DIP2B: variants seen among roughly 807,000 people sequenced by gnomAD.
DIP2B encodes disco-interacting protein 2 homolog B.
DIP2B carries 76 observed loss-of-function variants against 198.0 expected under a neutral mutation model. The ratio of observed to expected loss-of-function variants is 0.38; its 90% CI spans 0.32 to 0.46. DIP2B has a LOEUF of 0.46. Among genes scored for constraint, DIP2B ranks in the 20% least tolerant of loss-of-function variants. The pLI is 0.99. For synonymous variants in DIP2B, 701 were observed against 739.1 expected (o/e 0.95, Z 0.84); for missense variants, 1,559 against 1,978.4 (o/e 0.79, Z 4.02).
intron 30 of DIP2B, among the ~76,000 whole-genome samples, chr12:50,730,667 G>A (rs1230879004): frequency 1.3e-5 from 2 of 152,248 alleles, no homozygotes; most frequent in African/African-American, 2.4e-5. Flanking sequence ...GATTACAGGC[G>A]TGAGCCACCG....
intron 1 of DIP2B, among the ~76,000 whole-genome samples, chr12:50,508,507 A>G (rs1450127002): frequency 1.3e-5 from 2 of 152,154 alleles, no homozygotes; most frequent in African/African-American, 2.4e-5. Context: ...TAGAATAGGT[A>G]TTGTTACCAC....
intron 1 of DIP2B, among the ~76,000 whole-genome samples, chr12:50,613,333 G>A (rs1301225341): frequency 1.3e-5 from 2 of 152,152 alleles, no homozygotes; most frequent in Non-Finnish European, 2.9e-5. Flanking sequence ...AACGAAATAG[G>A]CAGTGAATGA....
In DIP2B at chr12:50,707,607, G is replaced by T. The variant is rs185951838; in HGVS notation, c.2535-841G>T. On this transcript the variant is annotated intron_variant, in intron 21 of 37. Transcript: ENST00000301180. The stretch of plus-strand genomic sequence containing the variant: ...TGTGGCAGTGAACAAAACAGGCCAA[G>T]TCTCTGCCCTTGTGAAGCTCACATG... Among the ~76,000 whole-genome samples the T allele has an allele frequency of 4.6e-5, 7 of 152,336 alleles. No individual in the cohort carries two copies. In the East Asian group the frequency reaches 1.2e-3, roughly 25 times the overall value.
chr12:50,516,129 G>T (rs897698924), intron 1 of DIP2B, among the ~76,000 whole-genome samples: 3 of 151,744 alleles, frequency 2.0e-5, no homozygotes. Flanking sequence ...GGGCAAACAG[G>T]CTCCCTCAAG....
At chr12:50,668,098 C>T (rs1938787518) in intron 4 of DIP2B, among the ~76,000 whole-genome samples, 1 of 152,160 alleles carries the variant, frequency 6.6e-6, no homozygotes, top group South Asian at 2.1e-4. Context: ...AGCTTTCTCG[C>T]GTGCAGCCCC....
chr12:50,632,990 G>C (rs1337123983), intron 2 of DIP2B, among the ~76,000 whole-genome samples: 1 of 151,752 alleles, frequency 6.6e-6, no homozygotes, highest in Non-Finnish European at 1.5e-5. Flanking sequence ...TGTTGCTCAG[G>C]CTGGTCTCAA....
Position 50,685,105 on chromosome 12 carries a change from A to G in DIP2B, c.1318-728A>G, listed in dbSNP as rs189979476. Among the ~76,000 whole-genome samples, 697 of 152,326 alleles carry G rather than the reference A, an allele frequency of 4.6e-3. 8 individuals carry two copies. The highest frequency in any genetic ancestry group is 0.016 in the African/African-American group (659 of 41,564). On this transcript the variant is annotated intron_variant, in intron 10 of 37. Transcript: ENST00000301180. ...AGGCTCCATCTCATAAAAAAAGAAAAGAAAAAGCATTTCTGAAAGGAATAA... is the reference window on the plus strand; with the variant it reads ...AGGCTCCATCTCATAAAAAAAGAAAGGAAAAAGCATTTCTGAAAGGAATAA...
chr12:50,635,552 T>C (rs1179075723), intron 2 of DIP2B, among the ~76,000 whole-genome samples: 1 of 152,200 alleles, frequency 6.6e-6, no homozygotes, highest in Non-Finnish European at 1.5e-5. Context: ...ATAAGTACAC[T>C]GCACTTGGCA....
intron 3 of DIP2B, among the ~76,000 whole-genome samples, chr12:50,654,542 G>A (rs1313656408): frequency 6.6e-6 from 1 of 151,896 alleles, no homozygotes; most frequent in East Asian, 1.9e-4. Context: ...TGTAGAGGTA[G>A]TGTTTTATTA....
At chr12:50,735,234 TA>T in intron 34 of DIP2B, 104 bp downstream of exon 34, 2 of 1,293,390 alleles carry the variant, frequency 1.5e-6, no homozygotes, top group South Asian at 2.5e-5. Context: ...GGGCAAGCCT[TA>T]ATTGAAATCT....
intron 21 of DIP2B, among the ~76,000 whole-genome samples, chr12:50,707,481 C>G (rs1001854183): frequency 6.6e-6 from 1 of 152,182 alleles, no homozygotes; most frequent in South Asian, 2.1e-4. Context: ...GCAGACATGC[C>G]GGCAGACTCT....
intron 1 of DIP2B, among the ~76,000 whole-genome samples, chr12:50,582,512 A>G (rs1241672486): frequency 6.6e-6 from 1 of 152,104 alleles, no homozygotes; most frequent in Non-Finnish European, 1.5e-5. Flanking sequence ...AAACATTGTA[A>G]TATTAGTTTA....
At chr12:50,533,136 G>T (rs1015479769) in intron 1 of DIP2B, among the ~76,000 whole-genome samples, 13 of 152,190 alleles carry the variant, frequency 8.5e-5, no homozygotes, top group Admixed American at 3.9e-4. Flanking sequence ...GTTTTACATA[G>T]AATTAATTTA....
Position 50,526,743 on chromosome 12 carries a change from T to C in DIP2B, c.100+21503T>C, listed in dbSNP as rs1225208765. Among the ~76,000 whole-genome samples, 5 of 150,986 alleles carry C rather than the reference T, an allele frequency of 3.3e-5. No individual in the cohort carries two copies. In the East Asian group the frequency reaches 7.8e-4, roughly 24 times the overall value. ...CCTCTGCCTCCCGGGTTCAAGCGAT[T>C]TCCTGCCTCAGCCTCACCAGTAGCT... On this transcript the variant is annotated intron_variant, in intron 1 of 37. Coordinates refer to ENST00000301180, the MANE Select transcript of DIP2B (RefSeq NM_173602.3).
intron 2 of DIP2B, among the ~76,000 whole-genome samples, chr12:50,626,581 C>A (rs188034340): frequency 6.6e-6 from 1 of 152,282 alleles, no homozygotes; most frequent in East Asian, 1.9e-4. Context: ...GTTGCCATAA[C>A]CTTTGCCTCT....
intron 1 of DIP2B, among the ~76,000 whole-genome samples, chr12:50,557,896 C>T (rs931796984): frequency 2.0e-5 from 3 of 152,190 alleles, no homozygotes; most frequent in African/African-American, 4.8e-5. Context: ...CCCATAATCT[C>T]AGCACTTTGG....
intron 1 of DIP2B, among the ~76,000 whole-genome samples, chr12:50,551,430 AATC>A (rs1042914916): frequency 1.8e-4 from 27 of 151,958 alleles, no homozygotes; most frequent in African/African-American, 6.5e-4. Flanking sequence ...CTCAGAAAAA[AATC>A]TGTGTGTGTG....
At chr12:50,603,588 G>T (rs972364434) in intron 1 of DIP2B, among the ~76,000 whole-genome samples, 1 of 152,010 alleles carries the variant, frequency 6.6e-6, no homozygotes, top group Non-Finnish European at 1.5e-5. Flanking sequence ...AAAACTAGCT[G>T]GGCATGGTTG....
intron 1 of DIP2B, among the ~76,000 whole-genome samples, chr12:50,565,152 A>G (rs910323039): frequency 6.6e-6 from 1 of 151,744 alleles, no homozygotes. Context: ...AAAGGCATGC[A>G]CTGCCACACC....
Sources: gnomAD v4.1 joint callset for allele counts (sites outside exome capture counted in the v4.1 genomes callset) on GRCh38, gnomAD v4.1.1 for gene constraint, MANE v1.5 for transcripts, NCBI Gene and HGNC (gene_info 2026-07-23, HGNC 2026-07-21) for gene names.